MUC17: variants seen among roughly 807,000 people sequenced by gnomAD.
MUC17 encodes mucin 17, cell surface associated, also known as mucin-17.
MUC17 carries 190 observed loss-of-function variants against 170.3 expected under a neutral mutation model. The ratio of observed to expected loss-of-function variants is 1.12; its 90% CI spans 0.99 to 1.26. The LOEUF (loss-of-function observed/expected upper bound fraction) is 1.26, where lower values mean the gene tolerates loss of function less well. Among genes scored for constraint, MUC17 ranks in the 50% most tolerant of loss-of-function variants. MUC17 has a pLI of 0.00. For synonymous variants in MUC17, 2,325 were observed against 2,002.5 expected (o/e 1.16, Z -4.30); for missense variants, 6,415 against 5,530.0 (o/e 1.16, Z -5.08).
chr7:101,027,359 T>G (rs1480749810), intron 1 of MUC17, among the ~76,000 whole-genome samples: 1 of 152,040 alleles, frequency 6.6e-6, no homozygotes. Flanking sequence ...CTCGAACTCC[T>G]GGTCTCAAGT....
chr7:101,021,520 C>T (rs931718283), intron 1 of MUC17, among the ~76,000 whole-genome samples: 1 of 152,034 alleles, frequency 6.6e-6, no homozygotes, highest in East Asian at 1.9e-4. Context: ...CCTCCCTTCC[C>T]TCTTCCTGGG....
In MUC17 at chr7:101,042,679, G is replaced by A; in HGVS notation, c.11263G>A (p.Gly3755Arg). The part of the protein sequence containing the change: ...VSMPMEISTL[G>R]TTILVSTTPV... Reference sequence around the variant, plus strand: ...AATGCCCATGGAAATAAGCACCCTTGGGACCACTATTCTTGTCAGTACCAC... The same window carrying A: ...AATGCCCATGGAAATAAGCACCCTTAGGACCACTATTCTTGTCAGTACCAC... Residue 3755 changes from glycine to arginine, a missense_variant, in exon 3 of 13, where the codon GGG (glycine) becomes AGG (arginine). Physicochemically the swap from Gly to Arg is moderately radical, Grantham distance 125. Transcript: ENST00000306151. The A allele has an allele frequency of 1.9e-6, 3 of 1,613,788 alleles. No homozygotes were observed. Among genetic ancestry groups the A allele is most frequent in the East Asian group, 2.2e-5 (1 of 44,888 alleles).
Position 101,035,029 on chromosome 7 carries a change from G to C in MUC17, c.3613G>C (p.Glu1205Gln). 1 of 1,614,128 alleles carries C rather than the reference G, an allele frequency of 6.2e-7. No individual in the cohort carries two copies. Among genetic ancestry groups the C allele is most frequent in the Non-Finnish European group, 8.5e-7 (1 of 1,180,020 alleles). Residue 1205 changes from glutamate (E) to glutamine (Q), a missense_variant, in exon 3 of 13, where the codon GAA becomes CAA. Coordinates refer to ENST00000306151, the MANE Select transcript of MUC17 (RefSeq NM_001040105.2). ...TEASSPPPTA[E>Q]VTSMPTSTPG... ...AGCCAGTTCACCTCCTCCAACTGCTGAAGTTACCAGCATGCCAACCTCAAC... is the reference window on the plus strand; with the variant it reads ...AGCCAGTTCACCTCCTCCAACTGCTCAAGTTACCAGCATGCCAACCTCAAC...
chr7:101,037,784 C>T lies in MUC17; in HGVS notation c.6368C>T (p.Ser2123Leu). 1.2e-6 allele frequency: 2 copies of T among 1,613,042 alleles called. No homozygotes were observed. The highest frequency in any genetic ancestry group is 1.7e-6 in the Non-Finnish European group (2 of 1,179,304). ...GCCAGTCCTGAGGCTAGCACCCTTT[C>T]AACAACTCCTGTTGACTCCAACAGT... ...PVASPEASTL[S>L]TTPVDSNSPV... Residue 2123 changes from serine to leucine, a missense_variant, in exon 3 of 13, where the codon TCA becomes TTA. Ser to Leu is a moderately radical substitution (Grantham distance 145). Transcript: ENST00000306151.
rs534562089 is a variant in MUC17, at chr7:101,024,299, C to T, written c.82+4082C>T. Among the ~76,000 whole-genome samples, 626 of 151,946 alleles carry T rather than the reference C, an allele frequency of 4.1e-3. 3 individuals carry two copies. The highest frequency in any genetic ancestry group is 7.1e-3 in the Non-Finnish European group (485 of 67,972). ...CCTGTAATCTCAGCCCCTCAGGAGG[C>T]TGAGACACGACAATCACTTGAATCT... On this transcript the variant is annotated intron_variant, in intron 1 of 12. Transcript: ENST00000306151.
chr7:101,044,793 A>G (rs1266243184), intron 3 of MUC17, among the ~76,000 whole-genome samples: 1 of 151,948 alleles, frequency 6.6e-6, no homozygotes, highest in Non-Finnish European at 1.5e-5. Context: ...TAAAGTACGA[A>G]CTTTTTTTTT....
Position 101,022,916 on chromosome 7 carries a change from A to G in MUC17, c.82+2699A>G, listed in dbSNP as rs569837439. 3.3e-5 allele frequency among the ~76,000 whole-genome samples: 5 copies of G among 152,300 alleles called. No homozygotes were observed. In the South Asian group the frequency reaches 1.0e-3, roughly 32 times the overall value. On this transcript the variant is annotated intron_variant, in intron 1 of 12. Coordinates refer to ENST00000306151, the MANE Select transcript of MUC17 (RefSeq NM_001040105.2). ...CCCACCCCTGCAACCACAGGGGACC[A>G]GAAAAAACTGTAGTTTTTGCTCCCT...
At chr7:101,025,048 G>A (rs562763505) in intron 1 of MUC17, among the ~76,000 whole-genome samples, 1 of 151,898 alleles carries the variant, frequency 6.6e-6, no homozygotes, top group South Asian at 2.1e-4. Flanking sequence ...TAATGGGTTT[G>A]GGGAGAACAG....
chr7:101,031,126 G>A lies in MUC17; in HGVS notation c.89G>A (p.Ser30Asn), dbSNP rs2116403450. The A allele has an allele frequency of 3.1e-6, 5 of 1,610,362 alleles. No homozygotes were observed. The highest frequency in any genetic ancestry group is 4.5e-5 in the East Asian group (2 of 44,710). ...TCCCCTTTGTCTCTTTCAGACCTCA[G>A]TGTGAACAGGGCTGTGTGGGATGGA... The part of the protein sequence containing the change: ...PPQAAAEQDL[S>N]VNRAVWDGGG... Residue 30 changes from serine (S) to asparagine (N), a missense_variant, in exon 2 of 13, where the codon AGT (serine) becomes AAT (asparagine). Ser to Asn is a conservative substitution (Grantham distance 46). Coordinates refer to ENST00000306151, the MANE Select transcript of MUC17 (RefSeq NM_001040105.2).
Position 101,039,312 on chromosome 7 carries a change from T to A in MUC17, c.7896T>A (p.Ser2632Arg). ...SMPISTPSEV[S>R]TSLTSILVST... ...CAATCTCAACTCCTAGTGAAGTAAG[T>A]ACTTCATTAACAAGTATACTTGTCA... The change falls in exon 3 of 13, where the codon AGT becomes AGA. Residue 2632 changes from serine (S) to arginine (R), a missense_variant. Physicochemically the swap from Ser to Arg is moderately radical, Grantham distance 110 (BLOSUM62 -1). Transcript: ENST00000306151. The A allele has an allele frequency of 6.2e-7, 1 of 1,610,932 alleles. No homozygotes were observed. The highest frequency in any genetic ancestry group is 1.1e-5 in the South Asian group (1 of 90,900).
chr7:101,047,838 CA>C lies in MUC17; in HGVS notation c.12404-143del, dbSNP rs1275193765. The C allele has an allele frequency of 6.6e-6, 7 of 1,063,220 alleles. No homozygotes were observed. In the East Asian group the frequency reaches 1.8e-4, roughly 27 times the overall value. 65.9% of individuals were successfully genotyped at this position (1,063,220 alleles called of 1,614,324 possible). A position where few individuals can be genotyped will look rare whatever the true frequency, so the allele number is the denominator to read the frequency against. On this transcript the variant is annotated intron_variant, in intron 3 of 12. Transcript: ENST00000306151. The stretch of plus-strand genomic sequence containing the variant: ...AAGGGTAAAACTCGGACTCAAAAAA[CA>C]AACAAATTAGACAGTGTCCGTGCAA...
chr7:101,042,426 C>A lies in MUC17; in HGVS notation c.11010C>A (p.Thr3670=), dbSNP rs1322089350. The A allele has an allele frequency of 6.2e-7, 1 of 1,611,982 alleles. No individual in the cohort carries two copies. Among genetic ancestry groups the A allele is most frequent in the Non-Finnish European group, 8.5e-7 (1 of 1,179,420 alleles). The change falls in exon 3 of 13, where the codon ACC becomes ACA. Residue 3670 remains threonine, a synonymous_variant. Transcript: ENST00000306151. ...CCAGCACACCTGTGATCACTTCTAC[C>A]CAAGTCAGTTCATCTCCTGTGACTC... ...VDTSTPVITS[T]QVSSSPVTPE...
rs768212853 is a variant in MUC17 at position 101,034,381 on chromosome 7, C to A, written c.2965C>A (p.Pro989Thr). The change falls in exon 3 of 13, where the codon CCT (proline) becomes ACT (threonine). Residue 989 changes from proline to threonine, a missense_variant. Physicochemically the swap from Pro to Thr is conservative, Grantham distance 38. Coordinates refer to ENST00000306151, the MANE Select transcript of MUC17 (RefSeq NM_001040105.2). ...SEGTTPLTSTPVSHTLVANSE... is the reference protein window; with the variant it reads ...SEGTTPLTSTTVSHTLVANSE... ...AGGAACGACTCCATTAACAAGCACA[C>A]CTGTCAGCCACACGCTGGTGGCCAA... is the stretch of plus-strand genomic sequence containing the variant. The A allele has an allele frequency of 4.9e-5, 79 of 1,608,536 alleles. No individual in the cohort carries two copies. The highest frequency in any genetic ancestry group is 6.1e-5 in the Non-Finnish European group (72 of 1,177,564).
At chr7:101,024,356 C>T (rs1794144512) in intron 1 of MUC17, among the ~76,000 whole-genome samples, 2 of 151,504 alleles carry the variant, frequency 1.3e-5, no homozygotes, top group African/African-American at 4.9e-5. Context: ...GCCGAGATGG[C>T]ATCACTGCAC....
chr7:101,027,857 C>T lies in MUC17; in HGVS notation c.83-3263C>T, dbSNP rs532634997. On this transcript the variant is annotated intron_variant, in intron 1 of 12. Transcript: ENST00000306151. ...TGCAATCTGAGCTCACTGCAACCTC[C>T]GCCTTTAGGGCTCAAGCAGTTCTCC... is the stretch of plus-strand genomic sequence containing the variant. Among the ~76,000 whole-genome samples, 52 of 151,812 alleles carry T rather than the reference C, an allele frequency of 3.4e-4. No individual in the cohort carries two copies. The East Asian group carries it at 9.7e-3, about 28-fold the overall frequency.
At chr7:101,021,397 G>A (rs547976436) in intron 1 of MUC17, among the ~76,000 whole-genome samples, 176 of 151,968 alleles carry the variant, frequency 1.2e-3, no homozygotes, top group African/African-American at 3.0e-3. Context: ...CATGTTAACC[G>A]GGCTGGTCTC....
chr7:101,036,564 C>A lies in MUC17; in HGVS notation c.5148C>A (p.Asp1716Glu). 1 of 1,611,662 alleles carries A rather than the reference C, an allele frequency of 6.2e-7. No homozygotes were observed. Among genetic ancestry groups the A allele is most frequent in the East Asian group, 2.2e-5 (1 of 44,714 alleles). Residue 1716 changes from aspartate (D) to glutamate (E), a missense_variant, in exon 3 of 13, where the codon GAC (aspartate) becomes GAA (glutamate). Coordinates refer to ENST00000306151, the MANE Select transcript of MUC17 (RefSeq NM_001040105.2). ...AISTLSTTPV[D>E]NSTPVTTSTE... ...GCACCCTTTCAACAACTCCCGTTGACAACAGCACACCTGTGACCACTTCTA... is the reference window on the plus strand; with the variant it reads ...GCACCCTTTCAACAACTCCCGTTGAAAACAGCACACCTGTGACCACTTCTA...
In MUC17 at chr7:101,035,743, A is replaced by G. The variant is rs151245477; in HGVS notation, c.4327A>G (p.Ile1443Val). ...ATSSPTTAEG[I>V]SIPTSTPSEG... ...TTCATCTCCTACAACTGCTGAAGGT[A>G]TCAGCATACCAACCTCAACTCCTAG... The change falls in exon 3 of 13, where the codon ATC becomes GTC. Residue 1443 changes from isoleucine (I) to valine (V), a missense_variant. Physicochemically the swap from Ile to Val is conservative, Grantham distance 29. Transcript: ENST00000306151. 3,540 of 1,611,744 alleles carry G rather than the reference A, an allele frequency of 2.2e-3. 5 individuals are homozygous for G. The highest frequency in any genetic ancestry group is 2.7e-3 in the Non-Finnish European group (3,128 of 1,178,772).
chr7:101,048,799 G>A (rs1384322207), intron 4 of MUC17, 46 bp from the exon 5 acceptor site: 2 of 1,609,038 alleles, frequency 1.2e-6, no homozygotes, highest in South Asian at 1.1e-5. Context: ...GATCTTCTGA[G>A]TAGGAAACTC....
Sources: allele counts gnomAD v4.1 joint callset (sites outside exome capture counted in the v4.1 genomes callset), GRCh38; gene constraint gnomAD v4.1.1; transcripts MANE v1.5; gene names NCBI Gene and HGNC (gene_info 2026-07-23, HGNC 2026-07-21).